Variants in FRRS1 observed in about 807,000 individuals in gnomAD.
FRRS1 encodes the protein ferric reductase 1.
In FRRS1, 51 loss-of-function variants were observed where a neutral mutation model predicts 70.7. That is an observed-to-expected ratio of 0.72 (90% CI 0.58 to 0.91). FRRS1 has a LOEUF of 0.91. FRRS1 is among the 40% of genes least tolerant of loss of function. The pLI, the probability that FRRS1 is intolerant of heterozygous loss-of-function variation, is 0.00. For synonymous variants in FRRS1, 225 were observed against 238.7 expected (o/e 0.94, Z 0.53); for missense variants, 672 against 726.0 (o/e 0.93, Z 0.86).
intron 6 of FRRS1, 84 bp from the exon 7 acceptor site, chr1:99,738,352 G>C (rs753112622): frequency 2.2e-6 from 2 of 926,540 alleles, no homozygotes; most frequent in East Asian, 2.5e-5. Context: ...CTACCTTCAA[G>C]TACGGGTAGC....
At chr1:99,759,082 T>C (rs983269731) in intron 1 of FRRS1, among the ~76,000 whole-genome samples, 3 of 152,186 alleles carry the variant, frequency 2.0e-5, no homozygotes, top group East Asian at 3.8e-4. Context: ...TTATCAGTAG[T>C]TCTGCTTTTG....
intron 1 of FRRS1, chr1:99,765,700 G>A (rs1240447402): frequency 6.6e-6 from 1 of 151,950 alleles, no homozygotes; most frequent in Non-Finnish European, 1.5e-5. Flanking sequence ...AGGAGATAGA[G>A]ACCATCCTTG....
intron 1 of FRRS1, among the ~76,000 whole-genome samples, chr1:99,753,916 C>G (rs1011129828): frequency 1.3e-5 from 2 of 152,158 alleles, no homozygotes; most frequent in African/African-American, 2.4e-5. Flanking sequence ...AATATAAAGA[C>G]ACATATAGAT....
chr1:99,732,844 A>ATT (rs5776486), intron 7 of FRRS1, among the ~76,000 whole-genome samples: 2 of 145,162 alleles, frequency 1.4e-5, no homozygotes, highest in Non-Finnish European at 1.5e-5. Flanking sequence ...TTTTGAGACA[A>ATT]TTTTTTTTTT....
At chr1:99,762,097 G>C (rs922606829) in intron 1 of FRRS1, among the ~76,000 whole-genome samples, 13 of 152,172 alleles carry the variant, frequency 8.5e-5, no homozygotes, top group African/African-American at 3.1e-4. Flanking sequence ...ACTATCCATA[G>C]CTTCAAATCA....
intron 14 of FRRS1, 73 bp from the exon 15 acceptor site, chr1:99,711,022 G>T: frequency 4.0e-6 from 5 of 1,244,414 alleles, no homozygotes; most frequent in Non-Finnish European, 5.7e-6. Context: ...TTGTGTATGT[G>T]TATTATCAAG....
intron 12 of FRRS1, 61 bp downstream of exon 12, chr1:99,715,525 C>G: frequency 1.1e-6 from 1 of 937,408 alleles, no homozygotes; most frequent in South Asian, 1.4e-5. Flanking sequence ...GAAAATAAAA[C>G]AGCAATCTGT....
intron 1 of FRRS1, among the ~76,000 whole-genome samples, chr1:99,755,806 G>A (rs1430178903): frequency 6.6e-6 from 1 of 152,164 alleles, no homozygotes; most frequent in Non-Finnish European, 1.5e-5. Context: ...TGAGCAAGAA[G>A]TATAAGACAA....
intron 15 of FRRS1, among the ~76,000 whole-genome samples, chr1:99,710,217 C>A (rs1264925221): frequency 1.3e-5 from 2 of 152,142 alleles, no homozygotes; most frequent in African/African-American, 2.4e-5. Flanking sequence ...GGACATTTAG[C>A]CTAGAATCCA....
At chr1:99,765,483 C>G (rs1657308696) in intron 1 of FRRS1, 1 of 152,238 alleles carries the variant, frequency 6.6e-6, no homozygotes, top group South Asian at 2.1e-4. Context: ...TGCCTGTAAT[C>G]CCAGCTACTC....
Position 99,728,503 on chromosome 1 carries a change from T to G in FRRS1, c.996A>C (p.Ala332=). 1 of 1,611,528 alleles carries G rather than the reference T, an allele frequency of 6.2e-7. No homozygotes were observed. The highest frequency in any genetic ancestry group is 1.3e-5 in the African/African-American group (1 of 75,008). The change falls in exon 9 of 17, where the codon GCA becomes GCC. Residue 332 remains alanine, a synonymous_variant. Coordinates refer to ENST00000646001, the MANE Select transcript of FRRS1 (RefSeq NM_001361041.2). ...TAACAATATACTTACCATCATTAGC[T>G]GCACCATCTGCTAGAAATATGTAAT... ...TSYYIFLADG[A]ANDGRIYKHS... is the part of the protein sequence containing the mutation.
intron 6 of FRRS1, 37 bp from the exon 7 acceptor site, chr1:99,738,305 T>A (rs1390017644): frequency 6.6e-7 from 1 of 1,508,926 alleles, no homozygotes; most frequent in Non-Finnish European, 9.0e-7. Flanking sequence ...ATCTTAATTA[T>A]CAAACAAGCA....
intron 1 of FRRS1, among the ~76,000 whole-genome samples, chr1:99,762,473 T>C (rs966809004): frequency 6.8e-6 from 1 of 147,566 alleles, no homozygotes; most frequent in African/African-American, 2.5e-5. Flanking sequence ...CTTTCTTTTT[T>C]TTTCCCTTTT....
At chr1:99,741,010 G>C in intron 5 of FRRS1, 70 bp from the exon 6 acceptor site, 1 of 1,207,180 alleles carries the variant, frequency 8.3e-7, no homozygotes, top group Non-Finnish European at 1.1e-6. Flanking sequence ...AACGTTAAAG[G>C]AAAAAAAAAA....
At chr1:99,715,565 C>A (rs775735442) in intron 12 of FRRS1, 21 bp downstream of exon 12, 16 of 1,398,700 alleles carry the variant, frequency 1.1e-5, no homozygotes, top group African/African-American at 1.0e-4. Flanking sequence ...ATAAAAAAAA[C>A]CCTATTTAAG....
intron 1 of FRRS1, among the ~76,000 whole-genome samples, chr1:99,762,038 A>C (rs1175567100): frequency 6.6e-6 from 1 of 152,206 alleles, no homozygotes; most frequent in Non-Finnish European, 1.5e-5. Flanking sequence ...AGAAAATGAG[A>C]GGTGAAAAGT....
At chr1:99,725,112 T>C (rs923148074) in intron 9 of FRRS1, among the ~76,000 whole-genome samples, 7 of 152,026 alleles carry the variant, frequency 4.6e-5, no homozygotes, top group African/African-American at 1.7e-4. Context: ...GCACACAACC[T>C]AGATCCTTCA....
At chr1:99,728,178 T>C (rs1193108678) in intron 9 of FRRS1, among the ~76,000 whole-genome samples, 1 of 152,232 alleles carries the variant, frequency 6.6e-6, no homozygotes, top group Non-Finnish European at 1.5e-5. Context: ...TAATCTACTA[T>C]CACTACACTC....
At chr1:99,714,570 G>A (rs546553039) in intron 12 of FRRS1, among the ~76,000 whole-genome samples, 8 of 152,290 alleles carry the variant, frequency 5.3e-5, no homozygotes, top group Non-Finnish European at 8.8e-5. Context: ...CCAGTTAAGT[G>A]GCTACTGCAA....
Sources: gnomAD v4.1 joint callset for allele counts (sites outside exome capture counted in the v4.1 genomes callset) on GRCh38, gnomAD v4.1.1 for gene constraint, MANE v1.5 for transcripts, NCBI Gene and HGNC (gene_info 2026-07-23, HGNC 2026-07-21) for gene names.